ZNF438: variants seen among roughly 807,000 people sequenced by gnomAD.
The protein encoded by ZNF438 is zinc finger protein 438.
A neutral mutation model predicts 38.0 loss-of-function variants in ZNF438; 25 were observed. That is an observed-to-expected ratio of 0.66 (90% CI 0.48 to 0.92). ZNF438 has a LOEUF of 0.92. ZNF438 is among the 40% of genes least tolerant of loss of function. ZNF438 has a pLI of 0.00. For synonymous variants in ZNF438, 372 were observed against 364.1 expected (o/e 1.02, Z -0.25); for missense variants, 1,007 against 999.6 (o/e 1.01, Z -0.10).
At chr10:30,882,469 C>T (rs941517475) in intron 3 of ZNF438, among the ~76,000 whole-genome samples, 1 of 152,092 alleles carries the variant, frequency 6.6e-6, no homozygotes, top group East Asian at 1.9e-4. Context: ...AAATGTTCAC[C>T]AACAGATGGA....
rs562370487 is a variant in ZNF438, at chr10:30,869,091, G to A, written c.37+7907C>T. ...CAGGCAACAGAAATACAGCTATTTC[G>A]GCCGGCCACAGTGGCTCACGCCTGT... is the stretch of plus-strand genomic sequence containing the variant. On this transcript the variant is annotated intron_variant, in intron 4 of 5. Coordinates refer to ENST00000413025, the Ensembl canonical transcript of ZNF438. 5.9e-5 allele frequency among the ~76,000 whole-genome samples: 9 copies of A among 152,252 alleles called. No individual in the cohort carries two copies. In the East Asian group the frequency reaches 9.6e-4, roughly 16 times the overall value.
intron 2 of ZNF438, among the ~76,000 whole-genome samples, chr10:30,929,322 C>A (rs1011463724): frequency 1.3e-5 from 2 of 152,158 alleles, no homozygotes; most frequent in Admixed American, 6.5e-5. Flanking sequence ...CAGATGTGTT[C>A]GGACTTCCTT....
chr10:30,971,746 A>G (rs1252564539), intron 1 of ZNF438, among the ~76,000 whole-genome samples: 2 of 152,118 alleles, frequency 1.3e-5, no homozygotes, highest in African/African-American at 4.8e-5. Context: ...AATCTTCTTT[A>G]TGATATTCCT....
At chr10:30,850,265 G>A (rs752662767) in exon 5 of ZNF438, 46 of 1,614,216 alleles carry the variant, frequency 2.8e-5, no homozygotes, top group East Asian at 1.6e-4. Context: ...CATTCTGGAC[G>A]TTAGGACTTT....
In ZNF438 at chr10:30,985,580, A is replaced by T. The variant is rs370989414; in HGVS notation, c.-191-43929T>A. Among the ~76,000 whole-genome samples, 55 of 152,362 alleles carry T rather than the reference A, an allele frequency of 3.6e-4. No individual in the cohort carries two copies. The South Asian group carries it at 8.9e-3, about 25-fold the overall frequency. ...CATCTAATTCATGAAACCAAAGTAA[A>T]GCTTTTGGAAGTTCATTCTGTAGAA... On this transcript the variant is annotated intron_variant, in intron 1 of 5. Transcript: ENST00000413025.
chr10:31,000,543 G>A (rs923058698), intron 1 of ZNF438, among the ~76,000 whole-genome samples: 1 of 152,154 alleles, frequency 6.6e-6, no homozygotes, highest in African/African-American at 2.4e-5. Flanking sequence ...TCATGGCCCT[G>A]ATTAAGCCAT....
At chr10:30,940,036 T>G (rs553592949) in intron 2 of ZNF438, among the ~76,000 whole-genome samples, 2 of 152,320 alleles carry the variant, frequency 1.3e-5, no homozygotes, top group African/African-American at 4.8e-5. Flanking sequence ...TTAACTGCAC[T>G]AAGGTCAGTA....
intron 1 of ZNF438, among the ~76,000 whole-genome samples, chr10:30,983,221 A>G (rs1457245335): frequency 6.6e-6 from 1 of 152,246 alleles, no homozygotes; most frequent in African/African-American, 2.4e-5. Context: ...GATGTCCGCA[A>G]ACACCATGCC....
intron 1 of ZNF438, among the ~76,000 whole-genome samples, chr10:30,972,512 G>A (rs921743211): frequency 2.0e-5 from 3 of 152,170 alleles, no homozygotes; most frequent in African/African-American, 7.2e-5. Context: ...CCAATAAAGT[G>A]TGTATGAACT....
At chr10:30,881,205 G>T (rs1263197220) in intron 3 of ZNF438, among the ~76,000 whole-genome samples, 1 of 152,154 alleles carries the variant, frequency 6.6e-6, no homozygotes, top group Admixed American at 6.5e-5. Flanking sequence ...GTCTTTATCT[G>T]CAGATGACAT....
chr10:30,925,269 C>T (rs2044783291), intron 2 of ZNF438, among the ~76,000 whole-genome samples: 1 of 151,620 alleles, frequency 6.6e-6, no homozygotes, highest in South Asian at 2.1e-4. Flanking sequence ...TACTGGGCAG[C>T]TTTGTCTTTT....
At chr10:30,937,303 A>C (rs2046356422) in intron 2 of ZNF438, among the ~76,000 whole-genome samples, 1 of 152,216 alleles carries the variant, frequency 6.6e-6, no homozygotes, top group Non-Finnish European at 1.5e-5. Context: ...TATCAAATTT[A>C]ATGCTAAAAA....
intron 4 of ZNF438, among the ~76,000 whole-genome samples, chr10:30,854,929 C>T (rs2034355280): frequency 6.6e-6 from 1 of 152,182 alleles, no homozygotes; most frequent in African/African-American, 2.4e-5. Context: ...GTCAAGGTCA[C>T]CTCGAAGTCT....
chr10:30,854,785 G>GT (rs2034331634), intron 4 of ZNF438, among the ~76,000 whole-genome samples: 2 of 152,166 alleles, frequency 1.3e-5, no homozygotes. Flanking sequence ...GAGAGGAAGA[G>GT]TGGGGGGATT....
At chr10:30,912,890 T>A (rs2043223698) in intron 2 of ZNF438, among the ~76,000 whole-genome samples, 1 of 152,170 alleles carries the variant, frequency 6.6e-6, no homozygotes. Context: ...GCTGCTGGAA[T>A]TCCCTCGCTG....
rs150517975 is a variant in ZNF438 at position 30,884,196 on chromosome 10, C to T, written c.-31-7131G>A. 5.2e-3 allele frequency among the ~76,000 whole-genome samples: 795 copies of T among 152,248 alleles called. 8 individuals carry two copies. Among genetic ancestry groups the T allele is most frequent in the African/African-American group, 0.018 (750 of 41,548 alleles). On this transcript the variant is annotated intron_variant, in intron 3 of 5. Transcript: ENST00000413025. ...CTTGGTATTTCATGTAGGACACCCA[C>T]TCAAATGAAGCTGTATTGTTTTTTG...
intron 4 of ZNF438, among the ~76,000 whole-genome samples, chr10:30,870,385 A>G (rs2037198646): frequency 6.6e-6 from 1 of 151,300 alleles, no homozygotes; most frequent in African/African-American, 2.4e-5. Flanking sequence ...CAGCTCTCAT[A>G]CTGTAAACAC....
intron 4 of ZNF438, among the ~76,000 whole-genome samples, chr10:30,857,289 C>T (rs1329411359): frequency 3.7e-5 from 5 of 134,758 alleles, no homozygotes; most frequent in Non-Finnish European, 3.1e-5. Context: ...CACAGTCTTG[C>T]TGTCACCCAG....
At chr10:31,003,864 G>T (rs530438543) in intron 1 of ZNF438, among the ~76,000 whole-genome samples, 1 of 152,190 alleles carries the variant, frequency 6.6e-6, no homozygotes, top group East Asian at 1.9e-4. Flanking sequence ...GCTTTTATTG[G>T]TACCTCCAAT....
Sources: gnomAD v4.1 joint callset for allele counts (sites outside exome capture counted in the v4.1 genomes callset) on GRCh38, gnomAD v4.1.1 for gene constraint, MANE v1.5 for transcripts, NCBI Gene and HGNC (gene_info 2026-07-23, HGNC 2026-07-21) for gene names.